AMD1: variants seen among roughly 807,000 people sequenced by gnomAD.
The protein encoded by AMD1 is adenosylmethionine decarboxylase 1, also known as S-adenosylmethionine decarboxylase proenzyme.
A neutral mutation model predicts 40.2 loss-of-function variants in AMD1; 11 were observed. The ratio of observed to expected loss-of-function variants is 0.27; its 90% CI spans 0.17 to 0.45. AMD1 has a LOEUF of 0.45. Among genes scored for constraint, AMD1 ranks in the 20% least tolerant of loss-of-function variants. The pLI, the probability that AMD1 is intolerant of heterozygous loss-of-function variation, is 1.00. For missense variants in AMD1, 257 were observed against 410.2 expected (o/e 0.63, Z 3.23); for synonymous variants, 121 against 130.8 (o/e 0.93, Z 0.51).
the AMD1 span, among the ~76,000 whole-genome samples, chr6:110,854,060 A>T: frequency 2.0e-5 from 3 of 152,166 alleles, no homozygotes; most frequent in Non-Finnish European, 2.9e-5. Flanking sequence ...TATGTCCAGG[A>T]ATTTTCAAAG....
intron 8 of AMD1, 42 bp from the exon 9 acceptor site, chr6:110,893,434 C>T: frequency 6.2e-7 from 1 of 1,607,168 alleles, no homozygotes; most frequent in East Asian, 2.2e-5. Flanking sequence ...AAATACTTCT[C>T]TGGATTGCAA....
At chr6:110,845,939 T>C in the AMD1 span, among the ~76,000 whole-genome samples, 1 of 152,184 alleles carries the variant, frequency 6.6e-6, no homozygotes, top group Non-Finnish European at 1.5e-5. Context: ...TTCACAGGCA[T>C]ACAAATAAAA....
the AMD1 span, among the ~76,000 whole-genome samples, chr6:110,851,626 C>T: frequency 6.6e-6 from 1 of 152,154 alleles, no homozygotes; most frequent in East Asian, 1.9e-4. Flanking sequence ...CCATGCCCAG[C>T]TAATTTTATA....
At chr6:110,891,483 A>G (rs564460841) in intron 4 of AMD1, 6 of 152,326 alleles carry the variant, frequency 3.9e-5, no homozygotes, top group African/African-American at 1.4e-4. Flanking sequence ...TCATCCATTT[A>G]CTAAGCTTTT....
upstream of AMD1, among the ~76,000 whole-genome samples, chr6:110,870,701 T>C (rs979392038): frequency 6.7e-6 from 1 of 148,732 alleles, no homozygotes; most frequent in African/African-American, 2.6e-5. Flanking sequence ...TGGTTTTTGT[T>C]CCTTTCTTTT....
the AMD1 span, among the ~76,000 whole-genome samples, chr6:110,854,005 G>A: frequency 1.3e-5 from 2 of 152,296 alleles, no homozygotes; most frequent in African/African-American, 2.4e-5. Flanking sequence ...GTTCTGAGAC[G>A]GTGGAACTTG....
the AMD1 span, among the ~76,000 whole-genome samples, chr6:110,852,200 A>ATTTTTTTTT: frequency 1.9e-4 from 10 of 51,308 alleles, 2 homozygotes; most frequent in Admixed American, 6.6e-4. Flanking sequence ...CGCCTGGCTA[A>ATTTTTTTTT]TTTTTTTTTT....
chr6:110,845,264 C>A, the AMD1 span, among the ~76,000 whole-genome samples: 1 of 151,910 alleles, frequency 6.6e-6, no homozygotes, highest in African/African-American at 2.4e-5. Context: ...GTCTCCAACT[C>A]CTGACCTCAA....
At chr6:110,887,474 G>T in intron 1 of AMD1, 31 bp from the exon 2 acceptor site, 1 of 1,537,014 alleles carries the variant, frequency 6.5e-7, no homozygotes. Flanking sequence ...TACTATTGTG[G>T]ATTAATCGTA....
the AMD1 span, chr6:110,848,545 C>A: frequency 5.7e-6 from 2 of 351,930 alleles, no homozygotes; most frequent in Non-Finnish European, 9.9e-6. Context: ...AACAACAAAA[C>A]TGCACTTATG....
At chr6:110,850,618 A>T in the AMD1 span, among the ~76,000 whole-genome samples, 1 of 152,190 alleles carries the variant, frequency 6.6e-6, no homozygotes, top group Non-Finnish European at 1.5e-5. Context: ...AAATCTTGCA[A>T]GTTGTTATTA....
chr6:110,863,440 G>C, the AMD1 span, among the ~76,000 whole-genome samples: 1 of 149,144 alleles, frequency 6.7e-6, no homozygotes, highest in South Asian at 2.1e-4. Flanking sequence ...CACAATCTCA[G>C]CTCATTACAA....
chr6:110,815,091 C>T, the AMD1 span: 2 of 1,603,144 alleles, frequency 1.2e-6, no homozygotes, highest in Non-Finnish European at 8.5e-7. Flanking sequence ...AAATCCTCCA[C>T]CCGCTCCCGC....
the AMD1 span, among the ~76,000 whole-genome samples, chr6:110,841,519 A>C: frequency 6.6e-6 from 1 of 152,266 alleles, no homozygotes; most frequent in East Asian, 1.9e-4. Context: ...TTTCGTAAGC[A>C]ACTTCCTCTT....
At chr6:110,854,006 G>A in the AMD1 span, among the ~76,000 whole-genome samples, 1 of 152,198 alleles carries the variant, frequency 6.6e-6, no homozygotes, top group African/African-American at 2.4e-5. Flanking sequence ...TTCTGAGACG[G>A]TGGAACTTGG....
the AMD1 span, among the ~76,000 whole-genome samples, chr6:110,848,033 A>G: frequency 6.6e-6 from 1 of 151,796 alleles, no homozygotes. Flanking sequence ...CCTTCTAGCC[A>G]CACCTAAATT....
At chr6:110,876,447 C>G (rs1481464422) in intron 1 of AMD1, among the ~76,000 whole-genome samples, 2 of 152,228 alleles carry the variant, frequency 1.3e-5, no homozygotes, top group Admixed American at 1.3e-4. Flanking sequence ...GGAGTGTTAG[C>G]TGTTCTTGGA....
chr6:110,869,015 C>A, the AMD1 span, among the ~76,000 whole-genome samples: 4 of 150,684 alleles, frequency 2.7e-5, no homozygotes, highest in East Asian at 5.9e-4. Context: ...AGCCAGATTG[C>A]GCCATTGCAC....
the AMD1 span, among the ~76,000 whole-genome samples, chr6:110,853,663 A>C: frequency 3.3e-5 from 5 of 151,576 alleles, no homozygotes; most frequent in African/African-American, 1.2e-4. Context: ...CTGGTCTTGA[A>C]CTCCTCATCT....
Sources: allele counts gnomAD v4.1 joint callset (sites outside exome capture counted in the v4.1 genomes callset), GRCh38; gene constraint gnomAD v4.1.1; transcripts MANE v1.5; gene names NCBI Gene and HGNC (gene_info 2026-07-23, HGNC 2026-07-21).